The following DLG2 variants were observed in gnomAD, a reference collection of about 807,000 sequenced individuals.
DLG2 encodes discs large MAGUK scaffold protein 2, also known as disks large homolog 2.
DLG2 carries 45 observed loss-of-function variants against 132.5 expected under a neutral mutation model. The observed-to-expected ratio is 0.34, with a 90% CI of 0.27 to 0.44. The LOEUF (loss-of-function observed/expected upper bound fraction) is 0.44, where lower values mean the gene tolerates loss of function less well. Ranked by LOEUF, DLG2 falls within the 20% of genes least tolerant of loss-of-function variation. The pLI is 1.00. For missense variants in DLG2, 1,045 were observed against 1,196.9 expected (o/e 0.87, Z 1.87); for synonymous variants, 424 against 419.6 (o/e 1.01, Z -0.13).
At chr11:84,886,658 T>C (rs2088374596) in intron 6 of DLG2, among the ~76,000 whole-genome samples, 1 of 152,148 alleles carries the variant, frequency 6.6e-6, no homozygotes, top group Admixed American at 6.6e-5. Flanking sequence ...GCCAAGTACT[T>C]GTCATAACCT....
At chr11:85,280,995 C>T (rs1259124186) in intron 4 of DLG2, among the ~76,000 whole-genome samples, 2 of 151,900 alleles carry the variant, frequency 1.3e-5, no homozygotes, top group African/African-American at 4.8e-5. Flanking sequence ...CAACATATTA[C>T]AGGTTAAAAT....
chr11:84,777,324 T>TATATATATATAC (rs1449220928), intron 6 of DLG2, among the ~76,000 whole-genome samples: 73 of 105,844 alleles, frequency 6.9e-4, no homozygotes, highest in Admixed American at 8.9e-4. Flanking sequence ...TATATATATA[T>TATATATATATAC]ACGTTTTCTT....
chr11:84,244,277 G>A (rs982131594), intron 8 of DLG2, among the ~76,000 whole-genome samples: 2 of 151,892 alleles, frequency 1.3e-5, no homozygotes, highest in African/African-American at 2.4e-5. Context: ...TCCGCCTCCC[G>A]GGTTCAAGTG....
chr11:83,615,963 T>C (rs2060742528), intron 19 of DLG2, among the ~76,000 whole-genome samples: 2 of 152,184 alleles, frequency 1.3e-5, no homozygotes, highest in African/African-American at 2.4e-5. Context: ...AAATTTGTGG[T>C]GATTTGTTTC....
Position 84,215,405 on chromosome 11 carries a change from C to T in DLG2, c.573+35833G>A, listed in dbSNP as rs547558338. ...TTACACTGTTGAGCAAAATTAACACCTAAATTTCAGTGTCTTAACACTATC... is the reference window on the plus strand; with the variant it reads ...TTACACTGTTGAGCAAAATTAACACTTAAATTTCAGTGTCTTAACACTATC... On this transcript the variant is annotated intron_variant, in intron 8 of 27. Coordinates refer to ENST00000376104, the MANE Select transcript of DLG2 (RefSeq NM_001142699.3). 2.0e-4 allele frequency among the ~76,000 whole-genome samples: 31 copies of T among 151,874 alleles called. No individual in the cohort carries two copies. In the South Asian group the frequency reaches 5.6e-3, roughly 28 times the overall value.
chr11:84,598,885 A>G (rs1373313402), intron 6 of DLG2, among the ~76,000 whole-genome samples: 1 of 151,810 alleles, frequency 6.6e-6, no homozygotes, highest in African/African-American at 2.4e-5. Context: ...TGGAGGCTGC[A>G]TTAAGCCACG....
intron 5 of DLG2, 63 bp from the exon 6 acceptor site, chr11:85,111,798 G>T: frequency 1.6e-6 from 2 of 1,242,940 alleles, no homozygotes; most frequent in Non-Finnish European, 2.3e-6. Context: ...ATATATGCTA[G>T]CTGACATGTT....
At chr11:84,679,769 T>C (rs2099724039) in intron 6 of DLG2, among the ~76,000 whole-genome samples, 1 of 152,146 alleles carries the variant, frequency 6.6e-6, no homozygotes, top group Non-Finnish European at 1.5e-5. Flanking sequence ...GAAACTGAGA[T>C]GCAGTTATAA....
chr11:84,679,742 C>T (rs2099723995), intron 6 of DLG2, among the ~76,000 whole-genome samples: 1 of 151,992 alleles, frequency 6.6e-6, no homozygotes, highest in Admixed American at 6.6e-5. Context: ...GATTGTGAGC[C>T]TTATTTTATA....
At chr11:84,042,278 C>T (rs1046157342) in intron 11 of DLG2, among the ~76,000 whole-genome samples, 1 of 151,702 alleles carries the variant, frequency 6.6e-6, no homozygotes, top group African/African-American at 2.4e-5. Context: ...AATCTATAGT[C>T]TTTAACTTTG....
intron 6 of DLG2, among the ~76,000 whole-genome samples, chr11:85,096,672 G>T (rs1384099134): frequency 6.6e-6 from 1 of 151,906 alleles, no homozygotes; most frequent in East Asian, 1.9e-4. Flanking sequence ...ACACATTTTG[G>T]CGACCATGAA....
chr11:84,051,825 G>A (rs1282458343), intron 11 of DLG2, among the ~76,000 whole-genome samples: 1 of 151,620 alleles, frequency 6.6e-6, no homozygotes, highest in African/African-American at 2.4e-5. Flanking sequence ...AATGGCAGTA[G>A]AGATTTTAAA....
chr11:84,088,872 A>C (rs1354271914), intron 10 of DLG2, among the ~76,000 whole-genome samples: 2 of 152,180 alleles, frequency 1.3e-5, no homozygotes, highest in Non-Finnish European at 2.9e-5. Context: ...CTTCTCATGA[A>C]GGTCTTCCTG....
At chr11:84,123,345 T>C (rs1362928723) in intron 9 of DLG2, among the ~76,000 whole-genome samples, 1 of 152,220 alleles carries the variant, frequency 6.6e-6, no homozygotes, top group Admixed American at 6.5e-5. Flanking sequence ...CAGATCTTGG[T>C]ATAAGGTCAC....
At chr11:84,074,442 C>A (rs2096796534) in intron 10 of DLG2, among the ~76,000 whole-genome samples, 1 of 152,174 alleles carries the variant, frequency 6.6e-6, no homozygotes, top group Non-Finnish European at 1.5e-5. Context: ...CAAGCCACTA[C>A]CAACCACTTC....
rs191688865 is a variant in DLG2 at position 84,204,377 on chromosome 11, G to A, written c.574-40866C>T. 3.4e-4 allele frequency among the ~76,000 whole-genome samples: 52 copies of A among 152,260 alleles called. 1 individual carries two copies. In the East Asian group the frequency reaches 8.1e-3, roughly 24 times the overall value. ...AAATTTCTTATATGTGGCAGGGCAC[G>A]GTATTGATTCATCTAAACTGTAATA... is the stretch of plus-strand genomic sequence containing the variant. On this transcript the variant is annotated intron_variant, in intron 8 of 27. Coordinates refer to ENST00000376104, the MANE Select transcript of DLG2 (RefSeq NM_001142699.3).
At chr11:85,038,745 A>G (rs781085029) in intron 6 of DLG2, among the ~76,000 whole-genome samples, 7 of 152,202 alleles carry the variant, frequency 4.6e-5, no homozygotes, top group South Asian at 4.1e-4. Flanking sequence ...TAAAGTGGCC[A>G]CTGATGTCCA....
chr11:84,129,128 T>C (rs1261408863), intron 9 of DLG2, among the ~76,000 whole-genome samples: 2 of 152,102 alleles, frequency 1.3e-5, no homozygotes, highest in Non-Finnish European at 2.9e-5. Context: ...ACTGAAGAGA[T>C]AGTATTATAG....
chr11:85,387,025 T>G (rs2086398234), intron 3 of DLG2, among the ~76,000 whole-genome samples: 1 of 151,230 alleles, frequency 6.6e-6, no homozygotes, highest in Non-Finnish European at 1.5e-5. Flanking sequence ...GTAGCTTGGA[T>G]TACAGGCACA....
Sources: allele counts gnomAD v4.1 joint callset (sites outside exome capture counted in the v4.1 genomes callset), GRCh38; gene constraint gnomAD v4.1.1; transcripts MANE v1.5; gene names NCBI Gene and HGNC (gene_info 2026-07-23, HGNC 2026-07-21).